BCAS3: variants seen among roughly 807,000 people sequenced by gnomAD.
BCAS3 encodes BCAS4/BCAS3 fusion.
Under a neutral mutation model 116.1 loss-of-function variants are expected in BCAS3, and 53 were observed. The observed-to-expected ratio is 0.46, with a 90% CI of 0.37 to 0.57. The LOEUF is 0.57. Among genes scored for constraint, BCAS3 ranks in the 20% least tolerant of loss-of-function variants. BCAS3 has a pLI of 0.00. For synonymous variants in BCAS3, 391 were observed against 408.2 expected, an observed-to-expected ratio of 0.96 and a Z score of 0.51; for missense variants, 917 against 1,165.4, an observed-to-expected ratio of 0.79 and a Z score of 3.10.
At position 60,726,852 on chromosome 17, in the gene BCAS3, G is replaced by A. The variant is rs560880969; in HGVS notation, c.321+17527G>A. ...CACTTGTGCTGCCTAGTAAAATTTCGTAGAATATGAAAAAAAATTGTTATA... is the reference window on the plus strand; with the variant it reads ...CACTTGTGCTGCCTAGTAAAATTTCATAGAATATGAAAAAAAATTGTTATA... On this transcript the variant is annotated intron_variant, in intron 5 of 23. Coordinates refer to ENST00000407086, the MANE Select transcript of BCAS3 (RefSeq NM_017679.5). Among the ~76,000 whole-genome samples the A allele has an allele frequency of 3.9e-5, 6 of 151,912 alleles. No homozygotes were observed. The South Asian group carries it at 1.0e-3, about 26-fold the overall frequency.
intron 22 of BCAS3, among the ~76,000 whole-genome samples, chr17:61,298,903 A>G (rs989273783): frequency 5.3e-5 from 8 of 151,554 alleles, no homozygotes; most frequent in African/African-American, 1.9e-4. Flanking sequence ...GCTCACTGCA[A>G]TCTCTGCCTC....
intron 6 of BCAS3, among the ~76,000 whole-genome samples, chr17:60,786,547 G>GTATATATATATATATATATATATATA (rs72319489): frequency 1.5e-4 from 21 of 140,744 alleles, no homozygotes; most frequent in African/African-American, 3.8e-4. Context: ...CTGCAAATGT[G>GTATATATATATATATATATATATATA]TATATATATA....
intron 22 of BCAS3, among the ~76,000 whole-genome samples, chr17:61,304,998 C>T (rs2053736734): frequency 6.6e-6 from 1 of 152,160 alleles, no homozygotes; most frequent in African/African-American, 2.4e-5. Context: ...CTCAGGTGAT[C>T]CGCCCGCCTC....
In BCAS3 at chr17:61,365,526, G is replaced by T. The variant is rs902055203; in HGVS notation, c.2426-2801G>T. Among the ~76,000 whole-genome samples the T allele has an allele frequency of 3.3e-5, 5 of 152,090 alleles. No individual in the cohort carries two copies. Among genetic ancestry groups the T allele is most frequent in the Admixed American group, 3.3e-4 (5 of 15,262 alleles). On this transcript the variant is annotated intron_variant, in intron 22 of 23. Coordinates refer to ENST00000407086, the MANE Select transcript of BCAS3 (RefSeq NM_017679.5). The surrounding 1 kb of genome is among the most constrained non-coding windows in gnomAD (Gnocchi z 4.6). ...CTTTTGTATTTTTAGTCGAGATGGCGTTTCACCATGTTGTCCAGGCTGGTC... is the reference window on the plus strand; with the variant it reads ...CTTTTGTATTTTTAGTCGAGATGGCTTTTCACCATGTTGTCCAGGCTGGTC...
intron 22 of BCAS3, among the ~76,000 whole-genome samples, chr17:61,155,070 C>A (rs537840770): frequency 6.6e-6 from 1 of 152,186 alleles, no homozygotes; most frequent in East Asian, 1.9e-4. Context: ...TGTCAGGCAT[C>A]GTGGAAGGCT....
At chr17:60,873,503 A>T (rs1202013567) in intron 8 of BCAS3, among the ~76,000 whole-genome samples, 1 of 152,136 alleles carries the variant, frequency 6.6e-6, no homozygotes, top group Non-Finnish European at 1.5e-5. Context: ...TGATTTTTTG[A>T]AGTAAATATT....
At chr17:60,799,442 T>C (rs2047502065) in intron 6 of BCAS3, among the ~76,000 whole-genome samples, 1 of 151,970 alleles carries the variant, frequency 6.6e-6, no homozygotes, top group Non-Finnish European at 1.5e-5. Context: ...TTGAGAACAA[T>C]TTTTCTCCAT....
At position 61,197,203 on chromosome 17, in the gene BCAS3, T is replaced by C. The variant is rs796181039; in HGVS notation, c.2425+112639T>C. Among the ~76,000 whole-genome samples the C allele has an allele frequency of 7.2e-5, 11 of 152,252 alleles. 1 individual carries two copies. Among genetic ancestry groups the C allele is most frequent in the African/African-American group, 2.6e-4 (11 of 41,550 alleles). ...TCAAACTCTTCCAAGAGTGACATAG[T>C]AAAATAAAAGACACCACAGTGATGA... On this transcript the variant is annotated intron_variant, in intron 22 of 23. Coordinates refer to ENST00000407086, the MANE Select transcript of BCAS3 (RefSeq NM_017679.5).
At chr17:60,747,552 T>C (rs2042111139) in intron 6 of BCAS3, among the ~76,000 whole-genome samples, 1 of 152,198 alleles carries the variant, frequency 6.6e-6, no homozygotes, top group Non-Finnish European at 1.5e-5. Context: ...TGCTGGCTCT[T>C]TCTTGAAGCC....
At chr17:60,944,073 C>T (rs1329139195) in intron 13 of BCAS3, among the ~76,000 whole-genome samples, 2 of 151,404 alleles carry the variant, frequency 1.3e-5, no homozygotes, top group African/African-American at 2.4e-5. Flanking sequence ...CCATAAGAAA[C>T]TCGAAAAAAG....
chr17:61,102,291 T>G (rs181122871), intron 22 of BCAS3, among the ~76,000 whole-genome samples: 1 of 152,162 alleles, frequency 6.6e-6, no homozygotes, highest in Admixed American at 6.6e-5. Context: ...TAAATAGGAT[T>G]CTTAACATCT....
At chr17:60,840,304 G>A (rs1336226707) in intron 7 of BCAS3, among the ~76,000 whole-genome samples, 2 of 152,008 alleles carry the variant, frequency 1.3e-5, no homozygotes, top group African/African-American at 4.8e-5. Context: ...ATTTTCAGGA[G>A]GTATTTAAAT....
At position 61,344,482 on chromosome 17, in the gene BCAS3, G is replaced by T. The variant is rs2057379126; in HGVS notation, c.2426-23845G>T. ...CACTATAGAGACTTTAAAGAAGGTG[G>T]GTCCTAAGTTTTGAGGGTACCATGG... is the stretch of plus-strand genomic sequence containing the variant. On this transcript the variant is annotated intron_variant, in intron 22 of 23. Coordinates refer to ENST00000407086, the MANE Select transcript of BCAS3 (RefSeq NM_017679.5). This position sits in a 1 kb window ranked among gnomAD's most constrained non-coding sequence, Gnocchi z 4.1. Among the ~76,000 whole-genome samples the T allele has an allele frequency of 6.6e-6, 1 of 152,068 alleles. No individual in the cohort carries two copies. Among genetic ancestry groups the T allele is most frequent in the South Asian group, 2.1e-4 (1 of 4,832 alleles).
intron 7 of BCAS3, among the ~76,000 whole-genome samples, chr17:60,833,642 T>G (rs2051127652): frequency 6.6e-6 from 1 of 152,242 alleles, no homozygotes; most frequent in Non-Finnish European, 1.5e-5. Context: ...CTACCAAGTT[T>G]CAAAATTATG....
chr17:61,006,326 A>T (rs2064708076), intron 15 of BCAS3, among the ~76,000 whole-genome samples: 1 of 152,110 alleles, frequency 6.6e-6, no homozygotes, highest in African/African-American at 2.4e-5. Context: ...GATCTAAGAA[A>T]ATACACTTTA....
chr17:61,329,340 A>ATTT (rs199612323), intron 22 of BCAS3, among the ~76,000 whole-genome samples: 12 of 109,478 alleles, frequency 1.1e-4, no homozygotes, highest in East Asian at 3.4e-4. Flanking sequence ...TATTATTATT[A>ATTT]TTATTTTTTT....
At chr17:60,882,498 G>A (rs1020039322) in intron 9 of BCAS3, among the ~76,000 whole-genome samples, 84 of 151,790 alleles carry the variant, frequency 5.5e-4, no homozygotes, top group Middle Eastern at 3.4e-3. Flanking sequence ...TTGGTGTTTT[G>A]GACATGAAGT....
chr17:61,096,305 C>A (rs1490825961), intron 22 of BCAS3, among the ~76,000 whole-genome samples: 1 of 151,966 alleles, frequency 6.6e-6, no homozygotes, highest in African/African-American at 2.4e-5. Context: ...TGTCAGTTTT[C>A]TTTACAGCAT....
Position 61,152,413 on chromosome 17 carries a change from G to A in BCAS3, c.2425+67849G>A, listed in dbSNP as rs143902231. ...ACAATCCTCTTGCTAGCTACAGAGC[G>A]CTGATTGGTGCATTTTATAATCCTC... On this transcript the variant is annotated intron_variant, in intron 22 of 23. Coordinates refer to ENST00000407086, the MANE Select transcript of BCAS3 (RefSeq NM_017679.5). Among the ~76,000 whole-genome samples the A allele has an allele frequency of 7.8e-3, 1,184 of 152,172 alleles. 15 individuals carry two copies. Among genetic ancestry groups the A allele is most frequent in the South Asian group, 0.027 (131 of 4,816 alleles).
Sources: gnomAD v4.1 joint callset for allele counts (sites outside exome capture counted in the v4.1 genomes callset) on GRCh38, gnomAD v4.1.1 for gene constraint, Gnocchi (gnomAD v3.1) non-coding constraint, MANE v1.5 for transcripts, NCBI Gene and HGNC (gene_info 2026-07-23, HGNC 2026-07-21) for gene names.